Variants in SYT9 observed in about 807,000 individuals in gnomAD.
The protein encoded by SYT9 is synaptotagmin 9, also known as synaptotagmin-9.
A neutral mutation model predicts 48.4 loss-of-function variants in SYT9; 22 were observed. The ratio of observed to expected loss-of-function variants is 0.45; its 90% CI spans 0.32 to 0.65. The LOEUF is 0.65. Ranked by LOEUF, SYT9 falls within the 30% of genes least tolerant of loss-of-function variation. SYT9 has a pLI of 0.03. For synonymous variants in SYT9, 265 were observed against 245.0 expected (o/e 1.08, Z -0.76); for missense variants, 577 against 622.0 (o/e 0.93, Z 0.77).
At chr11:7,307,786 C>T (rs1050716540) in intron 2 of SYT9, among the ~76,000 whole-genome samples, 1 of 152,198 alleles carries the variant, frequency 6.6e-6, no homozygotes, top group African/African-American at 2.4e-5. Context: ...AGACATAAGA[C>T]GTGAGCTACT....
rs182021635 is a variant in SYT9 at position 7,264,045 on chromosome 11, T to G, written c.145+11714T>G. Among the ~76,000 whole-genome samples the G allele has an allele frequency of 3.2e-4, 49 of 152,200 alleles. No individual in the cohort carries two copies. In the East Asian group the frequency reaches 9.5e-3, roughly 29 times the overall value. On this transcript the variant is annotated intron_variant, in intron 1 of 6. Transcript: ENST00000318881. ...GGTGGGTTTTTCAACAACAGTTTGT[T>G]TATTGTCATGAAGTCAGGGCAGAAT...
intron 3 of SYT9, among the ~76,000 whole-genome samples, chr11:7,332,063 A>C (rs1325997231): frequency 6.6e-6 from 1 of 152,190 alleles, no homozygotes; most frequent in Non-Finnish European, 1.5e-5. Context: ...GCTGAGAGGG[A>C]TTCTCGTGCA....
chr11:7,314,589 T>C (rs1383804443), intron 3 of SYT9, among the ~76,000 whole-genome samples: 1 of 152,250 alleles, frequency 6.6e-6, no homozygotes, highest in Non-Finnish European at 1.5e-5. Flanking sequence ...AGTGGTACCA[T>C]ACGTCTATGT....
At chr11:7,353,367 C>T (rs560360347) in intron 3 of SYT9, among the ~76,000 whole-genome samples, 1 of 152,300 alleles carries the variant, frequency 6.6e-6, no homozygotes, top group East Asian at 1.9e-4. Flanking sequence ...CTCTCCGGCA[C>T]TCAGCCCCTG....
At position 7,252,104 on chromosome 11, in the gene SYT9, G is replaced by A. The variant is rs911692520; in HGVS notation, c.-83G>A. On this transcript the variant is annotated 5_prime_UTR_variant, in exon 1 of 7. Coordinates refer to ENST00000318881, the MANE Select transcript of SYT9 (RefSeq NM_175733.4). The surrounding 1 kb of genome is among the most constrained non-coding windows in gnomAD (Gnocchi z 6.3). The stretch of plus-strand genomic sequence containing the variant: ...CCCTGGCGGTGAGCGCGGACGGCCC[G>A]GAGGCGGCGGCTCTGAGCTGGCAGG... The A allele has an allele frequency of 2.7e-5, 35 of 1,309,890 alleles. No individual in the cohort carries two copies. Among genetic ancestry groups the A allele is most frequent in the Middle Eastern group, 2.9e-4 (1 of 3,478 alleles). The allele number at this position is 1,309,890 out of a possible 1,614,324, so 81.1% of individuals were successfully genotyped here.
At position 7,453,626 on chromosome 11, in the gene SYT9, T is replaced by C. The variant is rs533481179; in HGVS notation, c.1468-13166T>C. On this transcript the variant is annotated intron_variant, in intron 6 of 6. Coordinates refer to ENST00000318881, the MANE Select transcript of SYT9 (RefSeq NM_175733.4). ...CAAAGGCAAGATGTGACAGCAGTGA[T>C]GGGGCACTCCTTTGTGCTGGGTGGC... 2.6e-5 allele frequency among the ~76,000 whole-genome samples: 4 copies of C among 152,300 alleles called. No homozygotes were observed. The East Asian group carries it at 5.8e-4, about 22-fold the overall frequency.
At chr11:7,346,694 A>T (rs1480762466) in intron 3 of SYT9, among the ~76,000 whole-genome samples, 1 of 152,230 alleles carries the variant, frequency 6.6e-6, no homozygotes, top group Non-Finnish European at 1.5e-5. Flanking sequence ...AAATTTTAAA[A>T]TGTTTTACTT....
At chr11:7,436,209 G>C (rs1470187244) in intron 6 of SYT9, among the ~76,000 whole-genome samples, 3 of 152,208 alleles carry the variant, frequency 2.0e-5, no homozygotes, top group Non-Finnish European at 4.4e-5. Context: ...TTAAGGCTCT[G>C]TGCTGCTGAG....
Position 7,320,240 on chromosome 11 carries a change from G to GT in SYT9, c.1044+6300dup, listed in dbSNP as rs1849314340. ...GTTTTTTAAATAATCATTTCAGTCT[G>GT]TGCAGGAAAAGGTGGCTCAAAATGA... is the stretch of plus-strand genomic sequence containing the variant. On this transcript the variant is annotated intron_variant, in intron 3 of 6. Coordinates refer to ENST00000318881, the MANE Select transcript of SYT9 (RefSeq NM_175733.4). Among the ~76,000 whole-genome samples the GT allele has an allele frequency of 2.0e-5, 3 of 152,226 alleles. No homozygotes were observed. In the South Asian group the frequency reaches 6.2e-4, roughly 32 times the overall value.
chr11:7,374,221 T>C (rs1680263548), intron 3 of SYT9, among the ~76,000 whole-genome samples: 1 of 152,178 alleles, frequency 6.6e-6, no homozygotes, highest in Admixed American at 6.5e-5. Context: ...GGTTTCCAGC[T>C]TCATCCCTGT....
At chr11:7,363,546 T>G (rs758485795) in intron 3 of SYT9, among the ~76,000 whole-genome samples, 2 of 152,154 alleles carry the variant, frequency 1.3e-5, no homozygotes, top group Non-Finnish European at 2.9e-5. Flanking sequence ...AAGATAAATC[T>G]TTACATTGAA....
chr11:7,461,174 G>C (rs549039448), intron 6 of SYT9: 8 of 152,008 alleles, frequency 5.3e-5, no homozygotes, highest in Non-Finnish European at 1.0e-4. Context: ...TCGAATTTTT[G>C]TTATAACTTT....
At chr11:7,443,644 C>T (rs1407734132) in intron 6 of SYT9, among the ~76,000 whole-genome samples, 2 of 152,222 alleles carry the variant, frequency 1.3e-5, no homozygotes, top group African/African-American at 4.8e-5. Context: ...CTCTTCTACC[C>T]ACCACCTCAT....
intron 6 of SYT9, chr11:7,438,068 T>G (rs1024754238): frequency 6.6e-6 from 1 of 151,798 alleles, no homozygotes; most frequent in African/African-American, 2.4e-5. Context: ...GGTGGGGGAG[T>G]CTGACAGGAA....
At chr11:7,243,537 A>C (rs1847760289) in intron 1 of SYT9, among the ~76,000 whole-genome samples, 1 of 152,132 alleles carries the variant, frequency 6.6e-6, no homozygotes, top group African/African-American at 2.4e-5. Context: ...ATTTTTGTCA[A>C]AGCTTTGTTA....
chr11:7,365,489 C>T (rs1850223266), intron 3 of SYT9, among the ~76,000 whole-genome samples: 2 of 152,112 alleles, frequency 1.3e-5, no homozygotes, highest in Admixed American at 1.3e-4. Context: ...TTTATATGGA[C>T]TTCTGAGCAA....
In SYT9 at chr11:7,391,808, C is replaced by T. The variant is rs936104373; in HGVS notation, c.1045-24234C>T. Among the ~76,000 whole-genome samples, 74 of 143,312 alleles carry T rather than the reference C, an allele frequency of 5.2e-4. 1 individual carries two copies. The highest frequency in any genetic ancestry group is 2.2e-4 in the Admixed American group (3 of 13,694). 94.0% of individuals were successfully genotyped at this position (143,312 alleles called of 152,430 possible). On this transcript the variant is annotated intron_variant, in intron 3 of 6. Coordinates refer to ENST00000318881, the MANE Select transcript of SYT9 (RefSeq NM_175733.4). ...GCATACGCCTGTAGTCCCAGCTACTCGGGAACCTGAGGTGGGAGGATCACT... is the reference window on the plus strand; with the variant it reads ...GCATACGCCTGTAGTCCCAGCTACTTGGGAACCTGAGGTGGGAGGATCACT...
At chr11:7,246,721 G>T (rs1589883278) in intron 1 of SYT9, among the ~76,000 whole-genome samples, 1 of 152,204 alleles carries the variant, frequency 6.6e-6, no homozygotes, top group East Asian at 1.9e-4. Flanking sequence ...TATTGCTCAT[G>T]ATTTTGTGGG....
chr11:7,265,078 T>C (rs563041601), intron 1 of SYT9, among the ~76,000 whole-genome samples: 191 of 152,206 alleles, frequency 1.3e-3, no homozygotes, highest in Middle Eastern at 3.4e-3. Context: ...TTAAGAGATA[T>C]TTAAGAGATA....
Sources: gnomAD v4.1 joint callset for allele counts (sites outside exome capture counted in the v4.1 genomes callset) on GRCh38, gnomAD v4.1.1 for gene constraint, Gnocchi (gnomAD v3.1) non-coding constraint, MANE v1.5 for transcripts, NCBI Gene and HGNC (gene_info 2026-07-23, HGNC 2026-07-21) for gene names.